DIAPH3: variants seen among roughly 807,000 people sequenced by gnomAD.
DIAPH3 encodes protein diaphanous homolog 3.
In DIAPH3, 117 loss-of-function variants were observed where a neutral mutation model predicts 144.3. The ratio of observed to expected loss-of-function variants is 0.81; its 90% CI spans 0.70 to 0.95. The LOEUF is 0.95. DIAPH3 is among the 40% of genes least tolerant of loss of function. DIAPH3 has a pLI of 0.00. For missense variants in DIAPH3, 1,421 were observed against 1,412.7 expected (o/e 1.01, Z -0.09); for synonymous variants, 519 against 488.9 (o/e 1.06, Z -0.81).
At chr13:60,082,454 T>C (rs546987492) in intron 4 of DIAPH3, among the ~76,000 whole-genome samples, 2 of 151,462 alleles carry the variant, frequency 1.3e-5, no homozygotes, top group East Asian at 1.9e-4. Flanking sequence ...TAATCCTAAC[T>C]CAGATATCCC....
chr13:59,971,962 T>A (rs143716583), intron 15 of DIAPH3, among the ~76,000 whole-genome samples: 55 of 152,346 alleles, frequency 3.6e-4, no homozygotes, highest in African/African-American at 1.3e-3. Context: ...GATAGCACCT[T>A]GTACTTTTCA....
chr13:60,104,293 A>T (rs1490905239), intron 3 of DIAPH3, among the ~76,000 whole-genome samples: 1 of 152,170 alleles, frequency 6.6e-6, no homozygotes, highest in Non-Finnish European at 1.5e-5. Flanking sequence ...ATTATTTAAA[A>T]GTTATATTTT....
intron 17 of DIAPH3, among the ~76,000 whole-genome samples, chr13:59,959,196 T>C (rs1291902083): frequency 6.6e-6 from 1 of 152,116 alleles, no homozygotes; most frequent in African/African-American, 2.4e-5. Context: ...CTTTTGTGAA[T>C]AGAATAAATG....
chr13:59,721,612 T>A (rs1032985330), intron 27 of DIAPH3, among the ~76,000 whole-genome samples: 3 of 152,216 alleles, frequency 2.0e-5, no homozygotes, highest in Non-Finnish European at 4.4e-5. Flanking sequence ...AATAGCCCTA[T>A]AAATATTTGT....
intron 27 of DIAPH3, among the ~76,000 whole-genome samples, chr13:59,745,200 T>G (rs942937179): frequency 2.0e-5 from 3 of 151,702 alleles, no homozygotes; most frequent in Admixed American, 1.3e-4. Context: ...AGCAAGAAAG[T>G]GAAAGAGAAG....
In DIAPH3 at chr13:59,715,683, TGAA is replaced by T. The variant is rs985511668; in HGVS notation, c.3320-48840_3320-48838del. 2.1e-4 allele frequency among the ~76,000 whole-genome samples: 32 copies of T among 152,080 alleles called. 1 individual carries two copies. Among genetic ancestry groups the T allele is most frequent in the African/African-American group, 7.5e-4 (31 of 41,420 alleles). ...CATAGTTTGTCCCAATTATAGCACTTGAAGAAAGTGGTTGTGGTTTAATGGAAT... is the reference window on the plus strand; with the variant it reads ...CATAGTTTGTCCCAATTATAGCACTTGAAAGTGGTTGTGGTTTAATGGAAT... On this transcript the variant is annotated intron_variant, in intron 27 of 27. Transcript: ENST00000400324.
intron 27 of DIAPH3, among the ~76,000 whole-genome samples, chr13:59,767,147 C>T (rs188932655): frequency 6.6e-6 from 1 of 152,250 alleles, no homozygotes; most frequent in East Asian, 1.9e-4. Context: ...CCCAGGTACA[C>T]ATGACGTCAT....
At chr13:60,099,416 G>C (rs935263395) in intron 3 of DIAPH3, among the ~76,000 whole-genome samples, 1 of 152,070 alleles carries the variant, frequency 6.6e-6, no homozygotes, top group Admixed American at 6.6e-5. Flanking sequence ...AAAACACAAA[G>C]CACAATATCC....
chr13:60,075,903 A>G lies in DIAPH3; in HGVS notation c.495+17725T>C, dbSNP rs142250449. Among the ~76,000 whole-genome samples, 19 of 152,364 alleles carry G rather than the reference A, an allele frequency of 1.2e-4. 1 individual carries two copies. The East Asian group carries it at 3.7e-3, about 29-fold the overall frequency. ...TGACCGTATCTTCCATGGAATGCAT[A>G]TGTGCATTACTCAGACAGTAAAGAA... On this transcript the variant is annotated intron_variant, in intron 4 of 27. Transcript: ENST00000400324.
At chr13:60,001,524 C>T (rs2052529296) in intron 9 of DIAPH3, among the ~76,000 whole-genome samples, 1 of 152,210 alleles carries the variant, frequency 6.6e-6, no homozygotes, top group Non-Finnish European at 1.5e-5. Context: ...TATCAGCCAC[C>T]TGGAAGCCAA....
intron 17 of DIAPH3, among the ~76,000 whole-genome samples, chr13:59,967,875 G>T (rs1857138875): frequency 6.6e-6 from 1 of 151,938 alleles, no homozygotes; most frequent in Non-Finnish European, 1.5e-5. Flanking sequence ...CCCACTCTTT[G>T]TGTTCCCCCT....
intron 17 of DIAPH3, among the ~76,000 whole-genome samples, chr13:59,945,469 C>T (rs2048750281): frequency 6.6e-6 from 1 of 152,150 alleles, no homozygotes; most frequent in Non-Finnish European, 1.5e-5. Flanking sequence ...AATAACTGTT[C>T]AGCTGGCTGC....
At chr13:59,797,341 T>C (rs532788224) in intron 25 of DIAPH3, among the ~76,000 whole-genome samples, 2 of 152,326 alleles carry the variant, frequency 1.3e-5, no homozygotes, top group Non-Finnish European at 2.9e-5. Context: ...GATAGTATCA[T>C]GACATAATAT....
intron 25 of DIAPH3, among the ~76,000 whole-genome samples, chr13:59,795,699 T>C (rs1442047596): frequency 6.6e-6 from 1 of 152,030 alleles, no homozygotes; most frequent in Non-Finnish European, 1.5e-5. Flanking sequence ...GTGATCCACC[T>C]GCCTCAGCCT....
intron 27 of DIAPH3, among the ~76,000 whole-genome samples, chr13:59,684,458 T>C (rs933832183): frequency 3.3e-5 from 5 of 152,242 alleles, no homozygotes; most frequent in Non-Finnish European, 4.4e-5. Context: ...TTCTTGGCTT[T>C]ATCATTTACT....
intron 25 of DIAPH3, among the ~76,000 whole-genome samples, chr13:59,804,298 A>G (rs1260743804): frequency 6.6e-6 from 1 of 152,158 alleles, no homozygotes; most frequent in East Asian, 1.9e-4. Context: ...ATCTTCCTAT[A>G]TAGGTATAGT....
chr13:59,671,781 AC>A (rs1405638370), intron 27 of DIAPH3, among the ~76,000 whole-genome samples: 5 of 152,182 alleles, frequency 3.3e-5, no homozygotes, highest in Admixed American at 2.6e-4. Flanking sequence ...GAATCTAGAG[AC>A]CCACCACAGC....
Position 59,756,435 on chromosome 13 carries a change from AGG to A in DIAPH3, c.3319+17752_3319+17753del, listed in dbSNP as rs1385488620. Among the ~76,000 whole-genome samples, 949 of 138,350 alleles carry A rather than the reference AGG, an allele frequency of 6.9e-3. 14 individuals are homozygous for A. Among genetic ancestry groups the A allele is most frequent in the African/African-American group, 0.025 (894 of 36,186 alleles). The allele number at this position is 138,350 out of a possible 152,430, so 90.8% of individuals were successfully genotyped here. On this transcript the variant is annotated intron_variant, in intron 27 of 27. Transcript: ENST00000400324. ...AAGGAAGGAAGGAAGGAAGGAAGGA[AGG>A]AAGGAAAGAAGGAAGGAAGGAAGGA...
chr13:59,753,887 T>G (rs2037135302), intron 27 of DIAPH3, among the ~76,000 whole-genome samples: 1 of 152,192 alleles, frequency 6.6e-6, no homozygotes, highest in Non-Finnish European at 1.5e-5. Context: ...TGACATTTAC[T>G]TATTTTAAGT....
Sources: gnomAD v4.1 joint callset for allele counts (sites outside exome capture counted in the v4.1 genomes callset) on GRCh38, gnomAD v4.1.1 for gene constraint, MANE v1.5 for transcripts, NCBI Gene and HGNC (gene_info 2026-07-23, HGNC 2026-07-21) for gene names.